WDR72: variants seen among roughly 807,000 people sequenced by gnomAD.
WDR72 encodes the protein WD repeat domain 72.
Under a neutral mutation model 124.2 loss-of-function variants are expected in WDR72, and 120 were observed. The observed-to-expected ratio is 0.97, with a 90% CI of 0.83 to 1.12. WDR72 has a LOEUF of 1.12. Ranked by LOEUF, WDR72 falls within the 50% of genes most tolerant of loss-of-function variation. WDR72 has a pLI of 0.00. For missense variants in WDR72, 1,387 were observed against 1,278.8 expected (o/e 1.08, Z -1.29); for synonymous variants, 452 against 441.7 (o/e 1.02, Z -0.29).
At chr15:53,603,366 C>T (rs1039821721) in intron 17 of WDR72, among the ~76,000 whole-genome samples, 2 of 152,008 alleles carry the variant, frequency 1.3e-5, no homozygotes, top group Admixed American at 1.3e-4. Flanking sequence ...ATGAAAAAAC[C>T]ACAGCCAACA....
At chr15:53,599,090 C>T (rs1035882236) in intron 17 of WDR72, among the ~76,000 whole-genome samples, 8 of 151,946 alleles carry the variant, frequency 5.3e-5, no homozygotes, top group African/African-American at 1.9e-4. Context: ...CACCCCTGCA[C>T]TCCGGCCTGG....
chr15:53,541,541 G>GA (rs869032535), intron 18 of WDR72, among the ~76,000 whole-genome samples: 2 of 151,346 alleles, frequency 1.3e-5, no homozygotes, highest in Non-Finnish European at 2.9e-5. Context: ...CAAAGATGGG[G>GA]AAAAAACAGA....
chr15:53,552,835 A>T (rs1893791127), intron 18 of WDR72, among the ~76,000 whole-genome samples: 2 of 152,066 alleles, frequency 1.3e-5, no homozygotes, highest in Non-Finnish European at 2.9e-5. Flanking sequence ...ATTTGATTTC[A>T]TCCCCTTTGG....
intron 18 of WDR72, among the ~76,000 whole-genome samples, chr15:53,559,199 T>C (rs1894041724): frequency 6.6e-6 from 1 of 151,996 alleles, no homozygotes; most frequent in Non-Finnish European, 1.5e-5. Flanking sequence ...AACATGGATT[T>C]TGCTACTGCC....
chr15:53,701,883 T>C (rs1382631642), intron 12 of WDR72, among the ~76,000 whole-genome samples: 2 of 152,158 alleles, frequency 1.3e-5, no homozygotes, highest in African/African-American at 4.8e-5. Flanking sequence ...GTGGTTGTTG[T>C]AAAGCTAAGC....
At chr15:53,706,670 A>T (rs1270152851) in intron 9 of WDR72, among the ~76,000 whole-genome samples, 1 of 151,804 alleles carries the variant, frequency 6.6e-6, no homozygotes, top group East Asian at 1.9e-4. Flanking sequence ...CAGTTAAAAC[A>T]GCAACAAGTA....
At chr15:53,698,229 A>G (rs74018735) in intron 13 of WDR72, among the ~76,000 whole-genome samples, 4,122 of 152,334 alleles carry the variant, frequency 0.027, 100 homozygotes, top group East Asian at 0.069. Flanking sequence ...GCCTAAGGGT[A>G]TCCCGATGGG....
At chr15:53,520,913 C>T (rs191726472) in intron 19 of WDR72, among the ~76,000 whole-genome samples, 2 of 152,208 alleles carry the variant, frequency 1.3e-5, no homozygotes, top group East Asian at 1.9e-4. Flanking sequence ...CACACTCTCT[C>T]ATCAAAATCT....
rs900527845 is a variant in WDR72 at position 53,537,200 on chromosome 15, T to G, written c.3149-13878A>C. ...TTGTAATCCTTAAAGCCCATGATTG[T>G]GTCTGGATATTTGGCAAGGATTGTA... On this transcript the variant is annotated intron_variant, in intron 18 of 19. Coordinates refer to ENST00000360509, the MANE Select transcript of WDR72 (RefSeq NM_182758.4). Among the ~76,000 whole-genome samples, 5 of 152,326 alleles carry G rather than the reference T, an allele frequency of 3.3e-5. No homozygotes were observed. In the East Asian group the frequency reaches 7.7e-4, roughly 24 times the overall value.
At chr15:53,623,903 T>C (rs1427323226) in intron 14 of WDR72, among the ~76,000 whole-genome samples, 3 of 152,340 alleles carry the variant, frequency 2.0e-5, no homozygotes, top group African/African-American at 4.8e-5. Context: ...TGGTAACTCA[T>C]TGTCGTTTAG....
At chr15:53,693,910 G>A (rs1282850123) in intron 13 of WDR72, among the ~76,000 whole-genome samples, 1 of 152,152 alleles carries the variant, frequency 6.6e-6, no homozygotes, top group Non-Finnish European at 1.5e-5. Context: ...CTCATGCTAT[G>A]CTATAATCAT....
chr15:53,699,295 A>G (rs573070337), intron 13 of WDR72, among the ~76,000 whole-genome samples: 2 of 152,250 alleles, frequency 1.3e-5, no homozygotes, highest in South Asian at 2.1e-4. Flanking sequence ...CAATTGAGCC[A>G]CTCAGTTTTC....
chr15:53,602,521 C>T (rs1031988675), intron 17 of WDR72, among the ~76,000 whole-genome samples: 2 of 151,610 alleles, frequency 1.3e-5, no homozygotes, highest in African/African-American at 4.8e-5. Flanking sequence ...ACAAAAAAAT[C>T]TATTCAAGAG....
intron 13 of WDR72, among the ~76,000 whole-genome samples, chr15:53,668,858 T>C (rs2015870693): frequency 7.1e-6 from 1 of 141,222 alleles, no homozygotes; most frequent in South Asian, 2.2e-4. Flanking sequence ...TGAGCTGTGA[T>C]CATACCACTG....
At chr15:53,640,208 G>A (rs958155190) in intron 14 of WDR72, among the ~76,000 whole-genome samples, 2 of 152,046 alleles carry the variant, frequency 1.3e-5, no homozygotes, top group East Asian at 1.9e-4. Context: ...AGAAACTGTC[G>A]CCTAAGTGAA....
chr15:53,546,948 A>G (rs1893500848), intron 18 of WDR72, among the ~76,000 whole-genome samples: 2 of 152,226 alleles, frequency 1.3e-5, no homozygotes, highest in Admixed American at 1.3e-4. Flanking sequence ...TAAGTAGACA[A>G]TTATAGTAGA....
chr15:53,562,536 C>T (rs924771066), intron 18 of WDR72, among the ~76,000 whole-genome samples: 1 of 151,774 alleles, frequency 6.6e-6, no homozygotes, highest in Non-Finnish European at 1.5e-5. Flanking sequence ...TTTTAAGAAT[C>T]AGTGGGCTAG....
rs561072983 is a variant in WDR72, at chr15:53,703,433, C to T, written c.1349-1079G>A. 1.1e-4 allele frequency among the ~76,000 whole-genome samples: 16 copies of T among 150,658 alleles called. No individual in the cohort carries two copies. In the South Asian group the frequency reaches 3.2e-3, roughly 30 times the overall value. On this transcript the variant is annotated intron_variant, in intron 11 of 19. Coordinates refer to ENST00000360509, the MANE Select transcript of WDR72 (RefSeq NM_182758.4). The stretch of plus-strand genomic sequence containing the variant: ...CAGCATTGCTGTTAAATTAATCTGC[C>T]TTTTCTCCCTGGGTCTATCACTTAC...
rs527974839 is a variant in WDR72, at chr15:53,514,642, C to G, written c.*3057G>C. On this transcript the variant is annotated 3_prime_UTR_variant, in exon 20 of 20. Transcript: ENST00000360509. ...TCTAATACCATCATGTTCAAAGCAGCCTTAATTTAGTTTCTAAAATAGTAA... is the reference window on the plus strand; with the variant it reads ...TCTAATACCATCATGTTCAAAGCAGGCTTAATTTAGTTTCTAAAATAGTAA... 1 of 152,018 alleles carries G rather than the reference C, an allele frequency of 6.6e-6. No homozygotes were observed. Among genetic ancestry groups the G allele is most frequent in the African/African-American group, 2.4e-5 (1 of 41,394 alleles). 9.4% of individuals were successfully genotyped at this position (152,018 alleles called of 1,614,324 possible).
Sources: allele counts gnomAD v4.1 joint callset (sites outside exome capture counted in the v4.1 genomes callset), GRCh38; gene constraint gnomAD v4.1.1; transcripts MANE v1.5; gene names NCBI Gene and HGNC (gene_info 2026-07-23, HGNC 2026-07-21).